Variants in GPC6 observed in about 807,000 individuals in gnomAD.
GPC6 encodes the protein glypican-6.
In GPC6, 14 loss-of-function variants were observed where a neutral mutation model predicts 55.2. The ratio of observed to expected loss-of-function variants is 0.25; its 90% CI spans 0.17 to 0.40. The LOEUF is 0.40. Among genes scored for constraint, GPC6 ranks in the 10% least tolerant of loss-of-function variants. The pLI, the probability that GPC6 is intolerant of heterozygous loss-of-function variation, is 1.00. For missense variants in GPC6, 641 were observed against 708.5 expected, an observed-to-expected ratio of 0.90 and a Z score of 1.08; for synonymous variants, 278 against 259.6, an observed-to-expected ratio of 1.07 and a Z score of -0.68.
chr13:93,346,357 A>G (rs1289833157), intron 1 of GPC6, among the ~76,000 whole-genome samples: 1 of 152,222 alleles, frequency 6.6e-6, no homozygotes, highest in African/African-American at 2.4e-5. Flanking sequence ...AATTGCCCAG[A>G]TCCTTCCTAG....
chr13:94,087,865 A>C (rs61962293), intron 4 of GPC6, among the ~76,000 whole-genome samples: 9,419 of 152,264 alleles, frequency 0.062, 431 homozygotes, highest in Non-Finnish European at 0.096. Context: ...GAGCCTGATA[A>C]GATCTTTTGT....
At chr13:94,301,386 G>A (rs1875643059) in intron 5 of GPC6, among the ~76,000 whole-genome samples, 1 of 151,956 alleles carries the variant, frequency 6.6e-6, no homozygotes, top group African/African-American at 2.4e-5. Flanking sequence ...AACGGAGTGA[G>A]ACCCCGTCTC....
chr13:93,278,678 T>A (rs139336357), intron 1 of GPC6, among the ~76,000 whole-genome samples: 3 of 152,204 alleles, frequency 2.0e-5, no homozygotes, highest in Non-Finnish European at 4.4e-5. Flanking sequence ...GGATAAACAG[T>A]AAAATAATAA....
intron 2 of GPC6, among the ~76,000 whole-genome samples, chr13:93,765,101 A>G (rs559607410): frequency 6.6e-6 from 1 of 152,276 alleles, no homozygotes; most frequent in East Asian, 1.9e-4. Context: ...GCATGCCCAC[A>G]AGATTTTTTA....
intron 3 of GPC6, among the ~76,000 whole-genome samples, chr13:94,000,001 A>G (rs1881728740): frequency 6.6e-6 from 1 of 152,212 alleles, no homozygotes; most frequent in Non-Finnish European, 1.5e-5. Context: ...TTCACAAAGA[A>G]TTTGGGAACC....
intron 2 of GPC6, among the ~76,000 whole-genome samples, chr13:93,690,179 G>A (rs906989520): frequency 2.6e-5 from 4 of 152,106 alleles, no homozygotes; most frequent in African/African-American, 9.7e-5. Flanking sequence ...CCTGGAGTAA[G>A]GAGCTGGTAT....
chr13:93,687,347 C>T (rs1441127404), intron 2 of GPC6, among the ~76,000 whole-genome samples: 2 of 152,004 alleles, frequency 1.3e-5, no homozygotes, highest in Non-Finnish European at 2.9e-5. Flanking sequence ...GCAGTTGTTG[C>T]CTTTAAAAGT....
chr13:94,118,771 C>G (rs574093175), intron 4 of GPC6, among the ~76,000 whole-genome samples: 2 of 152,184 alleles, frequency 1.3e-5, no homozygotes, highest in African/African-American at 4.8e-5. Flanking sequence ...AATTTCCTGT[C>G]TCTAAGGGAG....
chr13:94,211,509 A>G (rs918349207), intron 4 of GPC6, among the ~76,000 whole-genome samples: 1 of 152,226 alleles, frequency 6.6e-6, no homozygotes, highest in African/African-American at 2.4e-5. Context: ...TTTAAGGTAT[A>G]TATTTACATT....
At chr13:93,780,187 C>T (rs764486757) in intron 2 of GPC6, among the ~76,000 whole-genome samples, 22 of 151,692 alleles carry the variant, frequency 1.5e-4, no homozygotes, top group South Asian at 2.1e-4. Context: ...CATTTTTTTC[C>T]GCAAACTGTG....
intron 8 of GPC6, among the ~76,000 whole-genome samples, chr13:94,399,018 G>A (rs191718246): frequency 1.8e-3 from 281 of 152,298 alleles, no homozygotes; most frequent in Admixed American, 4.0e-3. Context: ...AAAGAAGAAA[G>A]CTCAGCAGAT....
At chr13:94,056,554 G>C (rs1177056844) in intron 4 of GPC6, among the ~76,000 whole-genome samples, 2 of 152,166 alleles carry the variant, frequency 1.3e-5, no homozygotes, top group East Asian at 3.8e-4. Flanking sequence ...CGAGCCTCTG[G>C]GTAGGACTGG....
intron 3 of GPC6, among the ~76,000 whole-genome samples, chr13:93,987,093 C>T (rs747586097): frequency 6.6e-5 from 10 of 151,890 alleles, no homozygotes; most frequent in African/African-American, 1.5e-4. Context: ...TTTGTGAAGT[C>T]GACTAATACG....
chr13:93,421,003 C>A (rs1424598796), intron 1 of GPC6, among the ~76,000 whole-genome samples: 1 of 151,966 alleles, frequency 6.6e-6, no homozygotes, highest in African/African-American at 2.4e-5. Flanking sequence ...GAACTTCAAC[C>A]CAAGGGAAGC....
At chr13:94,022,488 G>T (rs1882734621) in intron 3 of GPC6, among the ~76,000 whole-genome samples, 2 of 151,780 alleles carry the variant, frequency 1.3e-5, no homozygotes, top group South Asian at 4.2e-4. Context: ...TTCTTTCCAT[G>T]ATGCACACCT....
intron 1 of GPC6, among the ~76,000 whole-genome samples, chr13:93,277,989 C>A (rs529365787): frequency 1.3e-5 from 2 of 152,268 alleles, no homozygotes; most frequent in South Asian, 2.1e-4. Context: ...AATTAAATAT[C>A]TTTTCCCTCT....
At position 93,517,440 on chromosome 13, in the gene GPC6, C is replaced by T. The variant is rs190617613; in HGVS notation, c.161-27823C>T. On this transcript the variant is annotated intron_variant, in intron 1 of 8. Coordinates refer to ENST00000377047, the MANE Select transcript of GPC6 (RefSeq NM_005708.5). ...TTGCTTTAATTCTTGAAGTTCATGGCTGTAATTTTCAGATGATGTGAATCA... is the reference window on the plus strand; with the variant it reads ...TTGCTTTAATTCTTGAAGTTCATGGTTGTAATTTTCAGATGATGTGAATCA... Among the ~76,000 whole-genome samples, 740 of 152,134 alleles carry T rather than the reference C, an allele frequency of 4.9e-3. 2 individuals carry two copies. The highest frequency in any genetic ancestry group is 0.017 in the African/African-American group (686 of 41,506).
chr13:93,830,219 G>GCTGTACAT lies in GPC6; in HGVS notation c.385_386insCTGTACAT (p.Gly129AlafsTer21). 2 of 1,604,068 alleles carry GCTGTACAT rather than the reference G, an allele frequency of 1.2e-6. No homozygotes were observed. The highest frequency in any genetic ancestry group is 1.7e-6 in the Non-Finnish European group (2 of 1,172,114). Reference sequence around the variant, plus strand: ...AAATGATATGTTTGTACGGACCTATGGCATGCTGTACATGCAGAATTCAGA... The same window carrying GCTGTACAT: ...AAATGATATGTTTGTACGGACCTATGCTGTACATGCATGCTGTACATGCAGAATTCAGA... On this transcript the variant is annotated frameshift_variant, in exon 3 of 9. Transcript: ENST00000377047. LOFTEE classifies it high-confidence loss of function.
chr13:93,921,888 GC>G (rs1199050911), intron 3 of GPC6, among the ~76,000 whole-genome samples: 5 of 151,490 alleles, frequency 3.3e-5, no homozygotes, highest in African/African-American at 1.2e-4. Context: ...CTGGGGAACT[GC>G]CCTCTTCTAA....
Sources: allele counts gnomAD v4.1 joint callset (sites outside exome capture counted in the v4.1 genomes callset), GRCh38; gene constraint gnomAD v4.1.1; transcripts MANE v1.5; gene names NCBI Gene and HGNC (gene_info 2026-07-23, HGNC 2026-07-21).